The following TRERF1 variants were observed in gnomAD, a reference collection of about 807,000 sequenced individuals.
The protein encoded by TRERF1 is transcriptional regulating factor 1, also known as transcriptional-regulating factor 1.
A neutral mutation model predicts 122.9 loss-of-function variants in TRERF1; 27 were observed. The ratio of observed to expected loss-of-function variants is 0.22; its 90% CI spans 0.16 to 0.30. The LOEUF is 0.30. Ranked by LOEUF, TRERF1 falls within the 10% of genes least tolerant of loss-of-function variation. The pLI is 1.00. For synonymous variants in TRERF1, 636 were observed against 641.7 expected (o/e 0.99, Z 0.13); for missense variants, 1,248 against 1,560.3 (o/e 0.80, Z 3.37).
chr6:42,429,241 C>T (rs1784111530), intron 2 of TRERF1, among the ~76,000 whole-genome samples: 1 of 152,162 alleles, frequency 6.6e-6, no homozygotes, highest in South Asian at 2.1e-4. Flanking sequence ...CTTTTTTCTT[C>T]CATCCTGAGC....
rs576750236 is a variant in TRERF1, at chr6:42,345,452, G to A, written c.-371+17545C>T. ...GTGCAGCTTCTTCACTCACAGACCG[G>A]CAATGCTGAGAGAAATAACAGAATG... On this transcript the variant is annotated intron_variant, in intron 3 of 17. Coordinates refer to ENST00000372922, the Ensembl canonical transcript of TRERF1. Among the ~76,000 whole-genome samples, 5 of 152,252 alleles carry A rather than the reference G, an allele frequency of 3.3e-5. No homozygotes were observed. In the South Asian group the frequency reaches 1.0e-3, roughly 32 times the overall value.
intron 3 of TRERF1, among the ~76,000 whole-genome samples, chr6:42,303,842 G>A (rs1786655459): frequency 6.9e-6 from 1 of 143,902 alleles, no homozygotes; most frequent in Admixed American, 7.2e-5. Flanking sequence ...GGTGAAGGCT[G>A]CAGTGAGCAG....
chr6:42,232,574 T>G lies in TRERF1; in HGVS notation c.3278+107A>C. ...TGACACGAAGAAGAGTTTTGAGGTCTAAGTTCTTTTTTCTGATTGAAGAAA... is the reference window on the plus strand; with the variant it reads ...TGACACGAAGAAGAGTTTTGAGGTCGAAGTTCTTTTTTCTGATTGAAGAAA... On this transcript the variant is annotated intron_variant, in intron 17 of 17. Coordinates refer to ENST00000372922, the Ensembl canonical transcript of TRERF1. The surrounding 1 kb of genome is among the most constrained non-coding windows in gnomAD (Gnocchi z 4.5). The G allele has an allele frequency of 7.2e-7, 1 of 1,391,526 alleles. No homozygotes were observed. Among genetic ancestry groups the G allele is most frequent in the Non-Finnish European group, 9.5e-7 (1 of 1,048,884 alleles). 86.2% of individuals were successfully genotyped at this position (1,391,526 alleles called of 1,614,324 possible).
intron 13 of TRERF1, among the ~76,000 whole-genome samples, chr6:42,251,574 G>A (rs1252361324): frequency 6.6e-6 from 1 of 152,072 alleles, no homozygotes; most frequent in Non-Finnish European, 1.5e-5. Flanking sequence ...CAAGGTAAAA[G>A]AGTATTAACT....
rs1193439369 is a variant in TRERF1, at chr6:42,235,082, T to C, written c.3066+1123A>G. ...TGAATGCAAAATGTATGTATCTTTT[T>C]TGTTTTTTTTTTAATTTTCATTTTT... On this transcript the variant is annotated intron_variant, in intron 16 of 17. Coordinates refer to ENST00000372922, the Ensembl canonical transcript of TRERF1. Among the ~76,000 whole-genome samples, 12 of 151,262 alleles carry C rather than the reference T, an allele frequency of 7.9e-5. No individual in the cohort carries two copies. In the East Asian group the frequency reaches 1.9e-3, roughly 24 times the overall value.
Position 42,278,254 on chromosome 6 carries a change from C to G in TRERF1, c.-258-8406G>C, listed in dbSNP as rs114127424. On this transcript the variant is annotated intron_variant, in intron 4 of 17. Transcript: ENST00000372922. ...GGGCAAATGCACGCAGTGTAGAGACCAATGTGGTCTCCACCTCTCCTTTTA... is the reference window on the plus strand; with the variant it reads ...GGGCAAATGCACGCAGTGTAGAGACGAATGTGGTCTCCACCTCTCCTTTTA... Among the ~76,000 whole-genome samples, 974 of 152,258 alleles carry G rather than the reference C, an allele frequency of 6.4e-3. 7 individuals carry two copies. The highest frequency in any genetic ancestry group is 0.023 in the African/African-American group (940 of 41,530).
At chr6:42,445,353 GACACACACAC>G (rs57862861) in intron 2 of TRERF1, among the ~76,000 whole-genome samples, 25 of 86,718 alleles carry the variant, frequency 2.9e-4, no homozygotes, top group South Asian at 1.8e-3. Context: ...TACACACACA[GACACACACAC>G]ACACACACAC....
At chr6:42,414,498 C>CT (rs1263239223) in intron 2 of TRERF1, among the ~76,000 whole-genome samples, 2 of 152,182 alleles carry the variant, frequency 1.3e-5, no homozygotes, top group African/African-American at 4.8e-5. Flanking sequence ...CTGCAACTTG[C>CT]TTTTTTCACT....
intron 4 of TRERF1, among the ~76,000 whole-genome samples, chr6:42,274,135 TAAC>T (rs1780739116): frequency 6.6e-6 from 1 of 152,150 alleles, no homozygotes; most frequent in Non-Finnish European, 1.5e-5. Context: ...ACCTGGGAAA[TAAC>T]AAATACTAAT....
chr6:42,391,597 G>A (rs1052517895), intron 2 of TRERF1, among the ~76,000 whole-genome samples: 5 of 152,164 alleles, frequency 3.3e-5, no homozygotes, highest in African/African-American at 1.2e-4. Flanking sequence ...CTGCATCCAC[G>A]TGTACCCTTT....
chr6:42,300,079 T>G (rs1180617912), intron 4 of TRERF1, among the ~76,000 whole-genome samples: 1 of 152,188 alleles, frequency 6.6e-6, no homozygotes, highest in Non-Finnish European at 1.5e-5. Flanking sequence ...CTTCAAATCT[T>G]CAAACCCAGT....
chr6:42,450,227 G>A (rs1395818396), intron 2 of TRERF1, among the ~76,000 whole-genome samples: 1 of 152,240 alleles, frequency 6.6e-6, no homozygotes, highest in African/African-American at 2.4e-5. Context: ...AAAAGGGTCA[G>A]TGATGCAGAA....
chr6:42,367,549 C>A (rs1581819193), intron 2 of TRERF1, among the ~76,000 whole-genome samples: 1 of 152,108 alleles, frequency 6.6e-6, no homozygotes, highest in Non-Finnish European at 1.5e-5. Flanking sequence ...GGAGGAGAGG[C>A]GTGCAGAGCC....
At chr6:42,301,797 A>G (rs1786254187) in intron 3 of TRERF1, among the ~76,000 whole-genome samples, 1 of 152,246 alleles carries the variant, frequency 6.6e-6, no homozygotes, top group South Asian at 2.1e-4. Context: ...CAGCATTGCT[A>G]TAGTAGAGAC....
At chr6:42,230,426 TAA>T (rs369379661) in intron 17 of TRERF1, among the ~76,000 whole-genome samples, 11 of 152,234 alleles carry the variant, frequency 7.2e-5, no homozygotes, top group African/African-American at 2.4e-4. Flanking sequence ...TGATTTTTTT[TAA>T]GTTAAATCAT....
At chr6:42,251,853 A>T (rs9349227) in intron 13 of TRERF1, among the ~76,000 whole-genome samples, 79,715 of 151,994 alleles carry the variant, frequency 0.52, 21,485 homozygotes, top group African/African-American at 0.64. Flanking sequence ...AAGTAGTCTC[A>T]GCTGAACACT....
At chr6:42,370,756 C>T (rs1773614694) in intron 2 of TRERF1, among the ~76,000 whole-genome samples, 1 of 152,152 alleles carries the variant, frequency 6.6e-6, no homozygotes, top group African/African-American at 2.4e-5. Flanking sequence ...GCCCTGCCAG[C>T]CCCCAAGAAC....
intron 15 of TRERF1, among the ~76,000 whole-genome samples, chr6:42,239,135 C>T (rs35884864): frequency 0.22 from 33,841 of 152,022 alleles, 4,454 homozygotes; most frequent in African/African-American, 0.37. Context: ...CTTTGAAATG[C>T]CAAAGGGAAG....
At chr6:42,426,128 T>C (rs1284629040) in intron 2 of TRERF1, among the ~76,000 whole-genome samples, 2 of 152,112 alleles carry the variant, frequency 1.3e-5, no homozygotes, top group African/African-American at 4.8e-5. Context: ...AAGTCAATGG[T>C]TTCCCCTTCA....
Sources: allele counts gnomAD v4.1 joint callset (sites outside exome capture counted in the v4.1 genomes callset), GRCh38; gene constraint gnomAD v4.1.1; non-coding constraint Gnocchi (gnomAD v3.1); transcripts MANE v1.5; gene names NCBI Gene and HGNC (gene_info 2026-07-23, HGNC 2026-07-21).